Variants in LOXL2 observed in about 807,000 individuals in gnomAD.
LOXL2 encodes the protein lysyl oxidase like 2, also known as lysyl oxidase homolog 2.
LOXL2 carries 70 observed loss-of-function variants against 93.0 expected under a neutral mutation model. That is an observed-to-expected ratio of 0.75 (90% CI 0.62 to 0.92). The LOEUF (loss-of-function observed/expected upper bound fraction) is 0.92, where lower values mean the gene tolerates loss of function less well. Ranked by LOEUF, LOXL2 falls within the 40% of genes least tolerant of loss-of-function variation. LOXL2 has a pLI of 0.00. For synonymous variants in LOXL2, 438 were observed against 413.2 expected (o/e 1.06, Z -0.73); for missense variants, 973 against 1,054.9 (o/e 0.92, Z 1.08).
At chr8:23,318,818 T>G (rs1406651391) in intron 8 of LOXL2, among the ~76,000 whole-genome samples, 1 of 152,194 alleles carries the variant, frequency 6.6e-6, no homozygotes, top group African/African-American at 2.4e-5. Flanking sequence ...CGTAAGCAGC[T>G]ATTTTAAAGG....
rs866948084 is a variant in LOXL2, at chr8:23,297,823, C to G, written c.*220G>C. The G allele has an allele frequency of 8.9e-5, 47 of 529,724 alleles. No homozygotes were observed. The highest frequency in any genetic ancestry group is 8.0e-4 in the African/African-American group (42 of 52,506). 32.8% of individuals were successfully genotyped at this position (529,724 alleles called of 1,614,324 possible). A position where few individuals can be genotyped will look rare whatever the true frequency, so the allele number is the denominator to read the frequency against. On this transcript the variant is annotated 3_prime_UTR_variant, in exon 14 of 14. Transcript: ENST00000389131. ...CAGCTCTGTGGACAAACCCCACCCC[C>G]GCAAGGCCTTCTCAGGCCCCAAGGG... is the stretch of plus-strand genomic sequence containing the variant.
At chr8:23,375,726 C>T (rs1278436280) in intron 1 of LOXL2, among the ~76,000 whole-genome samples, 1 of 113,298 alleles carries the variant, frequency 8.8e-6, no homozygotes, top group African/African-American at 3.4e-5. Flanking sequence ...TGGGAGTTCA[C>T]TCATGATTTG....
At position 23,387,205 on chromosome 8, in the gene LOXL2, G is replaced by A. The variant is rs76390103; in HGVS notation, c.-84+16749C>T. On this transcript the variant is annotated intron_variant, in intron 1 of 13. Coordinates refer to ENST00000389131, the MANE Select transcript of LOXL2 (RefSeq NM_002318.3). ...GGTCTCACTGGGCTTTTGACTGCAC[G>A]GCTGAGAACCCTCTTACATTCAATG... is the stretch of plus-strand genomic sequence containing the variant. 1.1e-3 allele frequency among the ~76,000 whole-genome samples: 167 copies of A among 152,294 alleles called. 2 individuals are homozygous for A. In the East Asian group the frequency reaches 0.017, roughly 15 times the overall value.
At chr8:23,391,593 G>A (rs1804844490) in intron 1 of LOXL2, among the ~76,000 whole-genome samples, 1 of 152,192 alleles carries the variant, frequency 6.6e-6, no homozygotes, top group South Asian at 2.1e-4. Flanking sequence ...AAATCGGTCT[G>A]AGTTTCTGTG....
chr8:23,378,255 T>C (rs1297054380), intron 1 of LOXL2, among the ~76,000 whole-genome samples: 1 of 152,220 alleles, frequency 6.6e-6, no homozygotes, highest in Non-Finnish European at 1.5e-5. Context: ...TTTAAGAATG[T>C]TGAATATTGG....
chr8:23,320,916 C>T (rs4355775), intron 7 of LOXL2, among the ~76,000 whole-genome samples: 106,906 of 151,910 alleles, frequency 0.7, 37,929 homozygotes, highest in Non-Finnish European at 0.76. Context: ...AAAAAACAAA[C>T]GAATAAAAAA....
intron 5 of LOXL2, among the ~76,000 whole-genome samples, chr8:23,330,195 G>A (rs1280935128): frequency 6.6e-6 from 1 of 152,172 alleles, no homozygotes; most frequent in Non-Finnish European, 1.5e-5. Context: ...TTAGCCAGGT[G>A]CGGTGGCGGG....
Position 23,298,918 on chromosome 8 carries a change from T to C in LOXL2, c.2163A>G (p.Ala721=). The C allele has an allele frequency of 3.1e-6, 5 of 1,613,620 alleles. No homozygotes were observed. The highest frequency in any genetic ancestry group is 4.2e-6 in the Non-Finnish European group (5 of 1,179,576). The stretch of plus-strand genomic sequence containing the variant: ...TGATGTTGTTGGAGTAATCGGATTC[T>C]GCAACCTCGAAGTTGGGGTTAATAA... ...QVVINPNFEV[A]ESDYSNNIMK... The change falls in exon 13 of 14, where the codon GCA becomes GCG. Residue 721 remains alanine, a synonymous_variant. Coordinates refer to ENST00000389131, the MANE Select transcript of LOXL2 (RefSeq NM_002318.3).
At chr8:23,311,663 A>C (rs1471311745) in intron 9 of LOXL2, among the ~76,000 whole-genome samples, 3 of 151,970 alleles carry the variant, frequency 2.0e-5, no homozygotes, top group Admixed American at 2.0e-4. Context: ...AGGCAGCAGA[A>C]CTCCTAGGTG....
rs146609398 is a variant in LOXL2, at chr8:23,359,307, C to G, written c.531+783G>C. On this transcript the variant is annotated intron_variant, in intron 3 of 13. Coordinates refer to ENST00000389131, the MANE Select transcript of LOXL2 (RefSeq NM_002318.3). ...GTTAGTCTGTGTGATCCATAGAATACAGCAGAAATGATGGCCTATCACTTC... is the reference window on the plus strand; with the variant it reads ...GTTAGTCTGTGTGATCCATAGAATAGAGCAGAAATGATGGCCTATCACTTC... Among the ~76,000 whole-genome samples, 1,104 of 152,312 alleles carry G rather than the reference C, an allele frequency of 7.2e-3. 15 individuals are homozygous for G. Among genetic ancestry groups the G allele is most frequent in the Middle Eastern group, 0.017 (5 of 294 alleles).
chr8:23,302,303 T>C, intron 11 of LOXL2, 140 bp from the exon 12 acceptor site: 1 of 976,278 alleles, frequency 1.0e-6, no homozygotes, highest in South Asian at 1.6e-5. Context: ...TCATCTGTTC[T>C]CATTTCAGTA....
At chr8:23,344,086 G>A (rs1803929040) in intron 3 of LOXL2, among the ~76,000 whole-genome samples, 2 of 152,328 alleles carry the variant, frequency 1.3e-5, no homozygotes, top group South Asian at 4.1e-4. Flanking sequence ...GAGGAAGAAG[G>A]CCTGGCTGGA....
chr8:23,338,359 C>G (rs905506375), intron 4 of LOXL2, among the ~76,000 whole-genome samples: 3 of 151,222 alleles, frequency 2.0e-5, no homozygotes. Flanking sequence ...CTCAGGCTTC[C>G]GAGTGGCCAC....
chr8:23,394,383 ACT>A (rs1015300383), intron 1 of LOXL2, among the ~76,000 whole-genome samples: 7 of 141,990 alleles, frequency 4.9e-5, no homozygotes, highest in Non-Finnish European at 9.0e-5. Context: ...ACAGAGTGAG[ACT>A]CTGTCTCAGA....
chr8:23,359,832 C>T (rs1020922351), intron 3 of LOXL2, among the ~76,000 whole-genome samples: 4 of 152,230 alleles, frequency 2.6e-5, no homozygotes, highest in African/African-American at 9.6e-5. Flanking sequence ...TGAGATCACG[C>T]TCTGCTTACC....
chr8:23,386,524 AT>A (rs1260773209), intron 1 of LOXL2, among the ~76,000 whole-genome samples: 1 of 152,186 alleles, frequency 6.6e-6, no homozygotes, highest in Admixed American at 6.5e-5. Flanking sequence ...TGGCAGACAC[AT>A]TTCTCTTCTC....
At chr8:23,330,320 C>T (rs891772412) in intron 5 of LOXL2, among the ~76,000 whole-genome samples, 3 of 151,026 alleles carry the variant, frequency 2.0e-5, no homozygotes, top group South Asian at 2.1e-4. Context: ...GGCGAAAGAG[C>T]GAGACTCCGT....
intron 9 of LOXL2, among the ~76,000 whole-genome samples, chr8:23,310,939 G>C (rs1803311338): frequency 6.6e-6 from 1 of 152,250 alleles, no homozygotes; most frequent in Non-Finnish European, 1.5e-5. Flanking sequence ...ACCTTTAAAA[G>C]TGAGCTTTCA....
intron 10 of LOXL2, among the ~76,000 whole-genome samples, chr8:23,304,857 G>T (rs1045178061): frequency 4.6e-5 from 7 of 152,184 alleles, no homozygotes. Context: ...ACGGGCAGTG[G>T]GGGCACGGGG....
Sources: gnomAD v4.1 joint callset for allele counts (sites outside exome capture counted in the v4.1 genomes callset) on GRCh38, gnomAD v4.1.1 for gene constraint, MANE v1.5 for transcripts, NCBI Gene and HGNC (gene_info 2026-07-23, HGNC 2026-07-21) for gene names.